SFMBT1: variants seen among roughly 807,000 people sequenced by gnomAD.
The protein encoded by SFMBT1 is scm-like with four MBT domains protein 1.
A neutral mutation model predicts 108.7 loss-of-function variants in SFMBT1; 32 were observed. The ratio of observed to expected loss-of-function variants is 0.29; its 90% CI spans 0.22 to 0.40. The LOEUF (loss-of-function observed/expected upper bound fraction) is 0.40, where lower values mean the gene tolerates loss of function less well. SFMBT1 is among the 10% of genes least tolerant of loss of function. The pLI is 1.00. For missense variants in SFMBT1, 816 were observed against 1,059.6 expected (o/e 0.77, Z 3.19); for synonymous variants, 348 against 369.5 (o/e 0.94, Z 0.67).
intron 1 of SFMBT1, among the ~76,000 whole-genome samples, chr3:53,033,027 G>A (rs1217374775): frequency 6.6e-6 from 1 of 152,152 alleles, no homozygotes; most frequent in African/African-American, 2.4e-5. Flanking sequence ...GTATTTATGG[G>A]CCAGGTGCAA....
At chr3:52,957,642 G>A (rs889586523) in intron 2 of SFMBT1, among the ~76,000 whole-genome samples, 2 of 152,140 alleles carry the variant, frequency 1.3e-5, no homozygotes, top group Admixed American at 6.5e-5. Flanking sequence ...AGAGAACTCA[G>A]AAATAAGATT....
rs368147221 is a variant in SFMBT1, at chr3:52,928,243, G to A, written c.996C>T (p.Ile332=). The A allele has an allele frequency of 5.8e-5, 93 of 1,614,020 alleles. No individual in the cohort carries two copies. Among genetic ancestry groups the A allele is most frequent in the Non-Finnish European group, 7.4e-5 (87 of 1,180,022 alleles). ...SFVCHADSPG[I]FPVQWSLKNG... ...TCTTCAGACTCCACTGCACAGGGAA[G>A]ATGCCAGGACTGTCGGCGTGGCACA... The change falls in exon 9 of 21, where the codon ATC becomes ATT. Residue 332 remains isoleucine (I), a synonymous_variant. Transcript: ENST00000394752.
chr3:52,933,228 TATTTTAC>T (rs1702912937), intron 5 of SFMBT1, among the ~76,000 whole-genome samples: 1 of 152,244 alleles, frequency 6.6e-6, no homozygotes, highest in South Asian at 2.1e-4. Context: ...TATTTTATGA[TATTTTAC>T]ATTGTAAATG....
intron 17 of SFMBT1, among the ~76,000 whole-genome samples, chr3:52,910,403 G>A (rs759613313): frequency 1.3e-5 from 2 of 152,068 alleles, no homozygotes; most frequent in South Asian, 2.1e-4. Context: ...ATAAAAGTTG[G>A]CACACTAAAG....
intron 19 of SFMBT1, 96 bp from the exon 20 acceptor site, chr3:52,906,337 A>G: frequency 6.3e-7 from 1 of 1,584,424 alleles, no homozygotes; most frequent in Non-Finnish European, 8.6e-7. Flanking sequence ...TCAAGACATG[A>G]TTTAAAGTGG....
Position 52,904,469 on chromosome 3 carries a change from T to C in SFMBT1, c.*667A>G, listed in dbSNP as rs1460434842. ...GTCATAATTTTAGTGTTTATGTAGC[T>C]TAAAAATGGCATCATACAAAAAACC... On this transcript the variant is annotated 3_prime_UTR_variant, in exon 21 of 21. Coordinates refer to ENST00000394752, the MANE Select transcript of SFMBT1 (RefSeq NM_016329.4). 1 of 152,386 alleles carries C rather than the reference T, an allele frequency of 6.6e-6. No homozygotes were observed. The highest frequency in any genetic ancestry group is 1.5e-5 in the Non-Finnish European group (1 of 68,024). The allele number at this position is 152,386 out of a possible 1,614,324, so 9.4% of individuals were successfully genotyped here. A position where few individuals can be genotyped will look rare whatever the true frequency, so the allele number is the denominator to read the frequency against.
intron 9 of SFMBT1, 37 bp from the exon 10 acceptor site, chr3:52,926,150 A>G (rs760801557): frequency 6.3e-7 from 1 of 1,577,376 alleles, no homozygotes; most frequent in South Asian, 1.1e-5. Context: ...TCACACTACC[A>G]CACCACATAC....
At chr3:53,030,885 C>G (rs1699662776) in intron 1 of SFMBT1, among the ~76,000 whole-genome samples, 1 of 152,128 alleles carries the variant, frequency 6.6e-6, no homozygotes, top group Admixed American at 6.5e-5. Context: ...TCTAAACTAA[C>G]AACTTTAGAA....
At chr3:52,993,435 G>A (rs1203688841) in intron 1 of SFMBT1, among the ~76,000 whole-genome samples, 3 of 150,062 alleles carry the variant, frequency 2.0e-5, no homozygotes, top group Middle Eastern at 3.2e-3. Context: ...TGCTATATTC[G>A]CAGCAGTTAC....
chr3:53,018,451 C>T (rs1699197598), intron 1 of SFMBT1, among the ~76,000 whole-genome samples: 1 of 151,906 alleles, frequency 6.6e-6, no homozygotes, highest in African/African-American at 2.4e-5. Context: ...AACCTAGAAC[C>T]TTCAGTTAGA....
At position 52,920,603 on chromosome 3, in the gene SFMBT1, C is replaced by T; in HGVS notation, c.1306G>A (p.Asp436Asn). The change falls in exon 12 of 21, where the codon GAT becomes AAT. Residue 436 changes from aspartate (D) to asparagine (N), a missense_variant. Physicochemically the swap from Asp to Asn is conservative, Grantham distance 23. Around this residue, in one of 5 missense-constraint regions of SFMBT1, gnomAD observed 495 missense variants for 607.4 expected, o/e 0.81. Coordinates refer to ENST00000394752, the MANE Select transcript of SFMBT1 (RefSeq NM_016329.4). ...TCACACCAGCCCAAAGGAAATATAT[C>T]CATGGATTCCACACTCACAATACAT... is the stretch of plus-strand genomic sequence containing the variant. ...PECIVSVESM[D>N]IFPLGWCETN... The T allele has an allele frequency of 6.2e-7, 1 of 1,614,060 alleles. No homozygotes were observed. Among genetic ancestry groups the T allele is most frequent in the Non-Finnish European group, 8.5e-7 (1 of 1,180,010 alleles).
intron 19 of SFMBT1, 106 bp downstream of exon 19, chr3:52,906,962 TA>T (rs1702078824): frequency 1.5e-6 from 2 of 1,376,478 alleles, no homozygotes; most frequent in Non-Finnish European, 1.9e-6. Flanking sequence ...AAATTCTACA[TA>T]AGTCTGTATT....
chr3:52,920,386 A>G, intron 12 of SFMBT1, 151 bp downstream of exon 12: 1 of 687,278 alleles, frequency 1.5e-6, no homozygotes, highest in East Asian at 2.7e-5. Context: ...AAGGTATTAA[A>G]TATTTGTTAC....
At chr3:52,990,825 T>C (rs1005563542) in intron 1 of SFMBT1, among the ~76,000 whole-genome samples, 1 of 152,214 alleles carries the variant, frequency 6.6e-6, no homozygotes, top group Non-Finnish European at 1.5e-5. Context: ...ATAAACCTAA[T>C]GAACAAACAT....
chr3:52,939,440 G>A (rs1361408240), intron 4 of SFMBT1, among the ~76,000 whole-genome samples: 1 of 152,086 alleles, frequency 6.6e-6, no homozygotes, highest in African/African-American at 2.4e-5. Flanking sequence ...TGGGCATGGT[G>A]GCATGTACCT....
intron 1 of SFMBT1, among the ~76,000 whole-genome samples, chr3:52,978,430 AC>A (rs71087044): frequency 6.6e-6 from 1 of 151,854 alleles, no homozygotes; most frequent in African/African-American, 2.4e-5. Flanking sequence ...CTCTGTGAGT[AC>A]CCCCCACCTA....
intron 1 of SFMBT1, among the ~76,000 whole-genome samples, chr3:53,033,006 T>A (rs1346586669): frequency 6.6e-6 from 1 of 152,156 alleles, no homozygotes; most frequent in Non-Finnish European, 1.5e-5. Context: ...CCAAAGACTC[T>A]GCCTTTTGAA....
chr3:53,006,200 AGGCTTCTGAAT>A (rs1200866816), intron 1 of SFMBT1, among the ~76,000 whole-genome samples: 5 of 152,222 alleles, frequency 3.3e-5, no homozygotes, highest in African/African-American at 1.2e-4. Flanking sequence ...TTCAGACTGA[AGGCTTCTGAAT>A]GGGATTAAAA....
At chr3:52,906,370 G>T in intron 19 of SFMBT1, 129 bp from the exon 20 acceptor site, 2 of 1,323,622 alleles carry the variant, frequency 1.5e-6, no homozygotes, top group Non-Finnish European at 2.1e-6. Context: ...ATTTCTCCCA[G>T]CAAAGATGGC....
Sources: allele counts gnomAD v4.1 joint callset (sites outside exome capture counted in the v4.1 genomes callset), GRCh38; gene constraint gnomAD v4.1.1; regional missense constraint gnomAD v4.1.1; transcripts MANE v1.5; gene names NCBI Gene and HGNC (gene_info 2026-07-23, HGNC 2026-07-21).